The following KIAA0825 variants were observed in gnomAD, a reference collection of about 807,000 sequenced individuals.
The protein encoded by KIAA0825 is uncharacterized protein KIAA0825.
Under a neutral mutation model 147.6 loss-of-function variants are expected in KIAA0825, and 119 were observed. That is an observed-to-expected ratio of 0.81 (90% confidence interval 0.69 to 0.94). The LOEUF is 0.94. Ranked by LOEUF, KIAA0825 falls within the 40% of genes least tolerant of loss-of-function variation. The pLI is 0.00. For missense variants in KIAA0825, 1,381 were observed against 1,472.7 expected (o/e 0.94, Z 1.02); for synonymous variants, 470 against 518.1 (o/e 0.91, Z 1.26).
intron 20 of KIAA0825, among the ~76,000 whole-genome samples, chr5:94,238,207 G>C (rs910675520): frequency 6.6e-6 from 1 of 152,268 alleles, no homozygotes; most frequent in Admixed American, 6.5e-5. Context: ...ATATGAAAAG[G>C]CAAGTGTAGC....
rs77707805 is a variant in KIAA0825 at position 94,208,455 on chromosome 5, A to T, written c.3711-54331T>A. 7.9e-3 allele frequency among the ~76,000 whole-genome samples: 1,203 copies of T among 152,342 alleles called. 12 individuals carry two copies. The highest frequency in any genetic ancestry group is 0.023 in the African/African-American group (967 of 41,578). On this transcript the variant is annotated intron_variant, in intron 20 of 20. Transcript: ENST00000682413. ...GAGGCAATGAGTTAGATGCTATGAG[A>T]TGTTAACAGACATACCAGACATGAG...
chr5:94,389,571 T>C (rs1749627413), intron 18 of KIAA0825, among the ~76,000 whole-genome samples: 1 of 152,230 alleles, frequency 6.6e-6, no homozygotes, highest in South Asian at 2.1e-4. Context: ...GGCACACCCA[T>C]TCTTCCCCTC....
At chr5:94,266,879 C>G (rs914808818) in intron 20 of KIAA0825, among the ~76,000 whole-genome samples, 1 of 152,206 alleles carries the variant, frequency 6.6e-6, no homozygotes, top group Admixed American at 6.5e-5. Context: ...AACAAAAGTT[C>G]TCTGGGGTCC....
At chr5:94,237,801 A>G (rs1775137386) in intron 20 of KIAA0825, among the ~76,000 whole-genome samples, 1 of 152,186 alleles carries the variant, frequency 6.6e-6, no homozygotes, top group South Asian at 2.1e-4. Context: ...CTAGCAAAAC[A>G]GAATAAACTA....
In KIAA0825 at chr5:94,520,405, C is replaced by T. The variant is rs370128539; in HGVS notation, c.813G>A (p.Met271Ile). ...GGTAAGTTTCTTTAATGAATTTCAC[C>T]ATTGAAGATGGAGCTAAAATTTCAC... is the stretch of plus-strand genomic sequence containing the variant. ...TLCEILAPSS[M>I]VKFIKETYLD... Residue 271 changes from methionine (M) to isoleucine (I), a missense_variant, in exon 5 of 21, where the codon ATG becomes ATA. By Grantham distance (10) the Met-to-Ile change is conservative (BLOSUM62 1). Transcript: ENST00000682413. 2 of 1,612,972 alleles carry T rather than the reference C, an allele frequency of 1.2e-6. No individual in the cohort carries two copies. Among genetic ancestry groups the T allele is most frequent in the African/African-American group, 2.7e-5 (2 of 74,960 alleles).
intron 16 of KIAA0825, among the ~76,000 whole-genome samples, chr5:94,396,753 TTCTTA>T (rs541997732): frequency 5.9e-4 from 89 of 152,124 alleles, no homozygotes; most frequent in African/African-American, 1.9e-3. Context: ...ATAATTTATA[TTCTTA>T]TCTTTCAAGA....
At chr5:94,297,951 TAG>T (rs1411661026) in intron 20 of KIAA0825, among the ~76,000 whole-genome samples, 10 of 150,886 alleles carry the variant, frequency 6.6e-5, no homozygotes, top group Non-Finnish European at 1.3e-4. Context: ...TTTTGTTGTA[TAG>T]AGTGGCGGGT....
At chr5:94,383,424 CTA>C (rs1748697768) in intron 20 of KIAA0825, among the ~76,000 whole-genome samples, 1 of 152,046 alleles carries the variant, frequency 6.6e-6, no homozygotes, top group African/African-American at 2.4e-5. Flanking sequence ...GACAATTCTA[CTA>C]TGTTATTATC....
intron 2 of KIAA0825, among the ~76,000 whole-genome samples, chr5:94,537,663 A>G (rs1046699260): frequency 6.6e-6 from 1 of 151,646 alleles, no homozygotes. Context: ...AAAAAAAAAA[A>G]AAAAGAAAGC....
chr5:94,243,270 G>A (rs1775445291), intron 20 of KIAA0825, among the ~76,000 whole-genome samples: 1 of 152,174 alleles, frequency 6.6e-6, no homozygotes, highest in South Asian at 2.1e-4. Flanking sequence ...GGGTTGAGAG[G>A]TAACAACTGT....
chr5:94,379,947 G>A (rs1748155155), intron 20 of KIAA0825, among the ~76,000 whole-genome samples: 1 of 143,362 alleles, frequency 7.0e-6, no homozygotes, highest in Non-Finnish European at 1.5e-5. Flanking sequence ...TCCACCTCCT[G>A]GGCTCACGCC....
intron 20 of KIAA0825, among the ~76,000 whole-genome samples, chr5:94,335,963 G>T (rs1474222935): frequency 3.3e-5 from 5 of 152,074 alleles, no homozygotes; most frequent in African/African-American, 1.2e-4. Flanking sequence ...CCATAATGTT[G>T]TGTCAAATTT....
intron 6 of KIAA0825, among the ~76,000 whole-genome samples, chr5:94,479,689 A>G (rs573919432): frequency 2.4e-3 from 366 of 152,226 alleles, no homozygotes; most frequent in African/African-American, 8.6e-3. Flanking sequence ...TCTTCCAAAG[A>G]GCCTGTACCA....
At chr5:94,190,065 A>G (rs959630003) in intron 20 of KIAA0825, among the ~76,000 whole-genome samples, 2 of 152,148 alleles carry the variant, frequency 1.3e-5, no homozygotes, top group African/African-American at 4.8e-5. Context: ...AAGTTTAAAA[A>G]TTTTTATTAT....
chr5:94,210,668 T>C (rs1008989529), intron 20 of KIAA0825, among the ~76,000 whole-genome samples: 17 of 152,166 alleles, frequency 1.1e-4, no homozygotes, highest in African/African-American at 3.9e-4. Flanking sequence ...GAGCTTGCTT[T>C]AAAAGAAACA....
At chr5:94,498,717 T>C (rs1374809881) in intron 5 of KIAA0825, among the ~76,000 whole-genome samples, 1 of 152,238 alleles carries the variant, frequency 6.6e-6, no homozygotes, top group Non-Finnish European at 1.5e-5. Context: ...ATAGCTCCTA[T>C]GCGCCAGTCA....
intron 5 of KIAA0825, among the ~76,000 whole-genome samples, chr5:94,507,260 C>G (rs1471084577): frequency 6.6e-6 from 1 of 152,146 alleles, no homozygotes; most frequent in African/African-American, 2.4e-5. Context: ...CCATCTTGGT[C>G]AACATAGTGA....
At chr5:94,496,798 A>ACCTCCATT (rs1417042393) in intron 5 of KIAA0825, among the ~76,000 whole-genome samples, 1 of 152,180 alleles carries the variant, frequency 6.6e-6, no homozygotes, top group African/African-American at 2.4e-5. Context: ...TTTGGGTTAA[A>ACCTCCATT]TGGAGGTTGC....
intron 7 of KIAA0825, among the ~76,000 whole-genome samples, chr5:94,475,811 A>G (rs1761824010): frequency 6.9e-6 from 1 of 145,898 alleles, no homozygotes; most frequent in Non-Finnish European, 1.6e-5. Context: ...TATGTCTCAA[A>G]AAAGAAAAGA....
Sources: gnomAD v4.1 joint callset for allele counts (sites outside exome capture counted in the v4.1 genomes callset) on GRCh38, gnomAD v4.1.1 for gene constraint, MANE v1.5 for transcripts, NCBI Gene and HGNC (gene_info 2026-07-23, HGNC 2026-07-21) for gene names.